Variants in MED13 observed in about 807,000 individuals in gnomAD.
MED13 encodes the protein mediator of RNA polymerase II transcription subunit 13.
Under a neutral mutation model 225.2 loss-of-function variants are expected in MED13, and 23 were observed. That is an observed-to-expected ratio of 0.10 (90% CI 0.07 to 0.14). The LOEUF is 0.14. Ranked by LOEUF, MED13 falls within the 10% of genes least tolerant of loss-of-function variation. The pLI, the probability that MED13 is intolerant of heterozygous loss-of-function variation, is 1.00. For missense variants in MED13, 2,197 were observed against 2,594.5 expected (o/e 0.85, Z 3.33); for synonymous variants, 942 against 889.2 (o/e 1.06, Z -1.06).
chr17:61,966,009 GA>G (rs1453531705), intron 19 of MED13, among the ~76,000 whole-genome samples: 11 of 152,024 alleles, frequency 7.2e-5, no homozygotes, highest in Admixed American at 1.3e-4. Context: ...TAGAATGAAA[GA>G]AAAAAAGTAT....
intron 9 of MED13, among the ~76,000 whole-genome samples, chr17:62,001,417 C>T (rs188602482): frequency 6.6e-6 from 1 of 152,334 alleles, no homozygotes; most frequent in East Asian, 1.9e-4. Flanking sequence ...CATATCTTTT[C>T]ATTTCAAGCA....
At chr17:61,959,868 A>G (rs927313685) in intron 23 of MED13, among the ~76,000 whole-genome samples, 1 of 151,604 alleles carries the variant, frequency 6.6e-6, no homozygotes, top group African/African-American at 2.4e-5. Flanking sequence ...AGCTGTGACT[A>G]CAGGTGGGCC....
Position 61,942,912 on chromosome 17 carries a change from A to G in MED13, c.*3556T>C, listed in dbSNP as rs1200363821. The G allele has an allele frequency of 6.6e-6, 1 of 152,518 alleles. No homozygotes were observed. Among genetic ancestry groups the G allele is most frequent in the African/African-American group, 2.4e-5 (1 of 41,444 alleles). The allele number at this position is 152,518 out of a possible 1,614,324, so 9.4% of individuals were successfully genotyped here. A position where few individuals can be genotyped will look rare whatever the true frequency, so the allele number is the denominator to read the frequency against. On this transcript the variant is annotated 3_prime_UTR_variant, in exon 30 of 30. Transcript: ENST00000397786. The stretch of plus-strand genomic sequence containing the variant: ...AATGACGTTACAATTTGTAGCTTAA[A>G]CTCAATAACTTTAAGGTCCACATAT...
chr17:61,964,442 TA>T (rs1216022684), intron 20 of MED13, among the ~76,000 whole-genome samples: 2 of 151,968 alleles, frequency 1.3e-5, no homozygotes, highest in Non-Finnish European at 2.9e-5. Flanking sequence ...TGCATGCCTG[TA>T]AGTCCCAGCT....
intron 16 of MED13, among the ~76,000 whole-genome samples, chr17:61,975,664 A>G (rs939428235): frequency 6.6e-6 from 1 of 152,110 alleles, no homozygotes; most frequent in African/African-American, 2.4e-5. Flanking sequence ...GGTTGCAATG[A>G]GCCAAGATCG....
In MED13 at chr17:62,058,332, G is replaced by A. The variant is rs548083994; in HGVS notation, c.301+4735C>T. Among the ~76,000 whole-genome samples, 16 of 152,066 alleles carry A rather than the reference G, an allele frequency of 1.1e-4. No individual in the cohort carries two copies. In the South Asian group the frequency reaches 3.3e-3, roughly 32 times the overall value. On this transcript the variant is annotated intron_variant, in intron 2 of 29. Coordinates refer to ENST00000397786, the MANE Select transcript of MED13 (RefSeq NM_005121.3). ...AGTTCCAGACCAGCCTGGCCAACAT[G>A]GCGAAACTCCTATTAAAATCTCTAC... is the stretch of plus-strand genomic sequence containing the variant.
At chr17:62,041,198 C>T (rs1417664520) in intron 3 of MED13, among the ~76,000 whole-genome samples, 5 of 152,120 alleles carry the variant, frequency 3.3e-5, no homozygotes. Context: ...TACTATTCAG[C>T]CTTAAAAATA....
rs1300384730 is a variant in MED13 at position 62,031,453 on chromosome 17, C to T, written c.1000G>A (p.Val334Ile). 1 of 1,602,722 alleles carries T rather than the reference C, an allele frequency of 6.2e-7. No individual in the cohort carries two copies. The highest frequency in any genetic ancestry group is 8.5e-7 in the Non-Finnish European group (1 of 1,174,566). The change falls in exon 6 of 30, where the codon GTC (valine) becomes ATC (isoleucine). Residue 334 changes from valine (V) to isoleucine (I), a missense_variant. Physicochemically the swap from Val to Ile is conservative, Grantham distance 29. Transcript: ENST00000397786. ...CAAATTACTGCTATACCTGTTTGGA[C>T]TTCCTCAGGAGACGTAGGTGGTGTA... ...TLTPPTSPEE[V>I]QTVDPQSVQK...
rs762528548 is a variant in MED13, at chr17:61,946,428, T to C, written c.*40A>G. On this transcript the variant is annotated 3_prime_UTR_variant, in exon 30 of 30. Coordinates refer to ENST00000397786, the MANE Select transcript of MED13 (RefSeq NM_005121.3). ...TTAATCCTGCAGCGAAACATCCATTTTTCCTTGTTCTTTTCTTGCACAGTT... is the reference window on the plus strand; with the variant it reads ...TTAATCCTGCAGCGAAACATCCATTCTTCCTTGTTCTTTTCTTGCACAGTT... 2 of 1,597,870 alleles carry C rather than the reference T, an allele frequency of 1.3e-6. No homozygotes were observed. The highest frequency in any genetic ancestry group is 3.5e-5 in the Admixed American group (2 of 57,490).
chr17:61,984,966 A>G, intron 13 of MED13, 34 bp downstream of exon 13: 1 of 1,606,306 alleles, frequency 6.2e-7, no homozygotes, highest in Non-Finnish European at 8.5e-7. Flanking sequence ...AAAAGTTCGC[A>G]AATTTATCTC....
At chr17:61,987,826 ACTGTAGC>A (rs1403701416) in intron 11 of MED13, among the ~76,000 whole-genome samples, 1 of 151,838 alleles carries the variant, frequency 6.6e-6, no homozygotes, top group Non-Finnish European at 1.5e-5. Flanking sequence ...ATCACACCTC[ACTGTAGC>A]CTTGACCTCT....
At position 61,962,854 on chromosome 17, in the gene MED13, C is replaced by G; in HGVS notation, c.4962G>C (p.Glu1654Asp). ...IDPFTYENTD[E>D]STNSSSVWTL... is the part of the protein sequence containing the mutation. Reference sequence around the variant, plus strand: ...TCCACACACTAGAAGAGTTAGTGCTCTCGTCTGTATTTTCGTATGTAAAAG... The same window carrying G: ...TCCACACACTAGAAGAGTTAGTGCTGTCGTCTGTATTTTCGTATGTAAAAG... The change falls in exon 21 of 30, where the codon GAG (glutamate) becomes GAC (aspartate). Residue 1654 changes from glutamate to aspartate, a missense_variant. Physicochemically the swap from Glu to Asp is conservative, Grantham distance 45 (BLOSUM62 2). Transcript: ENST00000397786. 6.2e-7 allele frequency: 1 copy of G among 1,614,086 alleles called. No individual in the cohort carries two copies. The highest frequency in any genetic ancestry group is 8.5e-7 in the Non-Finnish European group (1 of 1,180,022).
intron 17 of MED13, among the ~76,000 whole-genome samples, chr17:61,969,800 C>T (rs989646505): frequency 6.6e-6 from 1 of 152,088 alleles, no homozygotes; most frequent in Admixed American, 6.5e-5. Flanking sequence ...TGGGGTTTCA[C>T]CATGTTGGCC....
At chr17:62,055,804 G>C (rs962627460) in intron 2 of MED13, among the ~76,000 whole-genome samples, 1 of 151,832 alleles carries the variant, frequency 6.6e-6, no homozygotes, top group African/African-American at 2.4e-5. Context: ...CCTGGTGACA[G>C]AGCAAGACTC....
chr17:61,999,061 T>C (rs1008515285), intron 9 of MED13, among the ~76,000 whole-genome samples: 1 of 151,974 alleles, frequency 6.6e-6, no homozygotes, highest in Non-Finnish European at 1.5e-5. Context: ...ACTTAAAAGA[T>C]TTAGAGTACA....
At chr17:61,956,531 A>G in intron 23 of MED13, 50 bp from the exon 24 acceptor site, 1 of 1,550,626 alleles carries the variant, frequency 6.4e-7, no homozygotes, top group South Asian at 1.2e-5. Context: ...AATTTATATG[A>G]TTTTGCTGTT....
intron 9 of MED13, chr17:62,004,241 A>T (rs989105112): frequency 2.0e-5 from 3 of 152,212 alleles, no homozygotes; most frequent in African/African-American, 7.2e-5. Context: ...TTTATGCTAG[A>T]AGAATACAGC....
At position 61,946,294 on chromosome 17, in the gene MED13, G is replaced by T; in HGVS notation, c.*174C>A. 1.5e-6 allele frequency: 1 copy of T among 679,318 alleles called. No individual in the cohort carries two copies. Among genetic ancestry groups the T allele is most frequent in the Non-Finnish European group, 2.4e-6 (1 of 421,338 alleles). The allele number at this position is 679,318 out of a possible 1,614,324, so 42.1% of individuals were successfully genotyped here. A position where few individuals can be genotyped will look rare whatever the true frequency, so the allele number is the denominator to read the frequency against. ...TCCTAAAGAGTTCAATAGAGTCAAT[G>T]AAAAATAGCAGGGTTATAGCCCCTC... On this transcript the variant is annotated 3_prime_UTR_variant, in exon 30 of 30. Transcript: ENST00000397786.
At chr17:62,034,110 C>A in intron 4 of MED13, 126 bp from the exon 5 acceptor site, 1 of 735,446 alleles carries the variant, frequency 1.4e-6, no homozygotes, top group East Asian at 2.7e-5. Context: ...AATAACCATT[C>A]CAGAGAAAAA....
Sources: allele counts gnomAD v4.1 joint callset (sites outside exome capture counted in the v4.1 genomes callset), GRCh38; gene constraint gnomAD v4.1.1; transcripts MANE v1.5; gene names NCBI Gene and HGNC (gene_info 2026-07-23, HGNC 2026-07-21).